Variants in NECAB1 observed in about 807,000 individuals in gnomAD.
The protein encoded by NECAB1 is N-terminal EF-hand calcium-binding protein 1.
In NECAB1, 29 loss-of-function variants were observed where a neutral mutation model predicts 57.5. That is an observed-to-expected ratio of 0.50 (90% CI 0.38 to 0.69). NECAB1 has a LOEUF of 0.69. NECAB1 is among the 30% of genes least tolerant of loss of function. The probability of loss-of-function intolerance (pLI) is 0.00; values close to 1 mark genes in which losing one functional copy is unlikely to be tolerated. For synonymous variants in NECAB1, 142 were observed against 147.7 expected (o/e 0.96, Z 0.28); for missense variants, 372 against 413.8 (o/e 0.90, Z 0.88).
intron 9 of NECAB1, among the ~76,000 whole-genome samples, chr8:90,935,935 T>C (rs1362093920): frequency 6.6e-6 from 1 of 152,158 alleles, no homozygotes; most frequent in Non-Finnish European, 1.5e-5. Context: ...CAGAAAAGGA[T>C]ATTCCCTATT....
intron 5 of NECAB1, among the ~76,000 whole-genome samples, chr8:90,908,204 T>A (rs1420271918): frequency 6.6e-6 from 1 of 152,188 alleles, no homozygotes; most frequent in Non-Finnish European, 1.5e-5. Context: ...CCTTTGAGTA[T>A]CATTTATGTC....
intron 6 of NECAB1, among the ~76,000 whole-genome samples, chr8:90,918,087 G>C (rs190448278): frequency 1.3e-5 from 2 of 150,118 alleles, no homozygotes; most frequent in Admixed American, 1.3e-4. Context: ...TTGGCTCACT[G>C]CAAACTCTGC....
intron 2 of NECAB1, among the ~76,000 whole-genome samples, chr8:90,809,031 G>C (rs531503418): frequency 6.6e-6 from 1 of 152,136 alleles, no homozygotes; most frequent in Non-Finnish European, 1.5e-5. Flanking sequence ...GTGCCCAGAG[G>C]TCTGTCCATG....
intron 5 of NECAB1, 48 bp from the exon 6 acceptor site, chr8:90,917,444 T>A: frequency 8.6e-6 from 13 of 1,514,176 alleles, no homozygotes; most frequent in South Asian, 5.4e-5. Flanking sequence ...AAATCCTGGG[T>A]ATTTTTTTCT....
intron 10 of NECAB1, among the ~76,000 whole-genome samples, chr8:90,947,193 T>C (rs1476337048): frequency 6.6e-6 from 1 of 152,062 alleles, no homozygotes; most frequent in African/African-American, 2.4e-5. Flanking sequence ...CCATTCCTTT[T>C]GTTTCTGTTA....
intron 8 of NECAB1, among the ~76,000 whole-genome samples, chr8:90,931,479 G>T (rs996658811): frequency 1.7e-4 from 26 of 152,280 alleles, no homozygotes; most frequent in African/African-American, 6.0e-4. Context: ...TATGCATGTA[G>T]GGGAATATAA....
At chr8:90,838,679 C>G (rs1812408482) in intron 3 of NECAB1, among the ~76,000 whole-genome samples, 1 of 152,176 alleles carries the variant, frequency 6.6e-6, no homozygotes, top group South Asian at 2.1e-4. Flanking sequence ...AGAGAACATA[C>G]AAACTCCACA....
chr8:90,947,293 TAAC>T (rs1432109754), intron 10 of NECAB1, among the ~76,000 whole-genome samples: 6 of 61,282 alleles, frequency 9.8e-5, no homozygotes, highest in Non-Finnish European at 1.3e-4. Context: ...GCTATTGGGC[TAAC>T]AACACATACA....
chr8:90,819,126 TTTTA>T (rs1188070395), intron 2 of NECAB1, among the ~76,000 whole-genome samples: 1 of 151,962 alleles, frequency 6.6e-6, no homozygotes, highest in Non-Finnish European at 1.5e-5. Context: ...CTGTAACAGT[TTTTA>T]TTTATTTCTA....
At chr8:90,935,503 G>A (rs1476776962) in intron 9 of NECAB1, among the ~76,000 whole-genome samples, 1 of 152,054 alleles carries the variant, frequency 6.6e-6, no homozygotes, top group Non-Finnish European at 1.5e-5. Flanking sequence ...GAGAGGAGAG[G>A]GGTGTTGAGC....
intron 3 of NECAB1, among the ~76,000 whole-genome samples, chr8:90,844,602 G>A (rs1355776255): frequency 2.0e-5 from 3 of 152,014 alleles, no homozygotes; most frequent in Admixed American, 6.6e-5. Flanking sequence ...TCTCCCACCC[G>A]CAACATCATT....
chr8:90,878,382 T>C (rs2129868373), intron 4 of NECAB1, among the ~76,000 whole-genome samples: 1 of 152,280 alleles, frequency 6.6e-6, no homozygotes, highest in African/African-American at 2.4e-5. Context: ...CTCGCTATGA[T>C]GAAGTGGAGG....
chr8:90,861,095 G>A (rs1046762458), intron 3 of NECAB1, among the ~76,000 whole-genome samples: 3 of 152,058 alleles, frequency 2.0e-5, no homozygotes, highest in Admixed American at 2.0e-4. Flanking sequence ...TATAACATTC[G>A]GTAACAGTCA....
intron 4 of NECAB1, among the ~76,000 whole-genome samples, chr8:90,876,373 ACT>A (rs955954309): frequency 4.0e-5 from 6 of 151,618 alleles, no homozygotes; most frequent in South Asian, 2.1e-4. Flanking sequence ...GGGTTTTAAC[ACT>A]CTCTCTCATC....
intron 4 of NECAB1, among the ~76,000 whole-genome samples, chr8:90,875,844 C>CAAAAAAAAAAAAAAAAAAAAA (rs5893141): frequency 1.1e-5 from 1 of 88,412 alleles, no homozygotes; most frequent in African/African-American, 4.6e-5. Context: ...ACTAAAAATA[C>CAAAAAAAAAAAAAAAAAAAAA]AAAAAAAAAA....
chr8:90,869,599 A>G (rs1049686129), intron 3 of NECAB1, among the ~76,000 whole-genome samples: 3 of 152,176 alleles, frequency 2.0e-5, no homozygotes, highest in African/African-American at 2.4e-5. Flanking sequence ...CTGAAGTTCA[A>G]ACTTGCGTGG....
intron 1 of NECAB1, among the ~76,000 whole-genome samples, chr8:90,799,989 GT>G (rs1293201703): frequency 6.6e-6 from 1 of 152,152 alleles, no homozygotes; most frequent in Non-Finnish European, 1.5e-5. Context: ...TTTCAGCAGT[GT>G]TTTGTAGTTC....
intron 8 of NECAB1, among the ~76,000 whole-genome samples, chr8:90,933,768 T>C (rs1810466470): frequency 6.6e-6 from 1 of 152,148 alleles, no homozygotes. Context: ...ACGGTCTTTA[T>C]AGGAGTTCTT....
intron 7 of NECAB1, among the ~76,000 whole-genome samples, chr8:90,927,780 A>C (rs1178539195): frequency 7.1e-6 from 1 of 141,284 alleles, no homozygotes; most frequent in Non-Finnish European, 1.5e-5. Flanking sequence ...CTGGGAAAGG[A>C]GACACCAACT....
Sources: allele counts gnomAD v4.1 joint callset (sites outside exome capture counted in the v4.1 genomes callset), GRCh38; gene constraint gnomAD v4.1.1; transcripts MANE v1.5; gene names NCBI Gene and HGNC (gene_info 2026-07-23, HGNC 2026-07-21).